KRTAP26-1: variants seen among roughly 807,000 people sequenced by gnomAD.
The protein encoded by KRTAP26-1 is keratin-associated protein 26-1.
For missense variants in KRTAP26-1, 273 were observed against 260.9 expected (o/e 1.05, Z -0.32); for synonymous variants, 111 against 103.3 (o/e 1.07, Z -0.45).
In KRTAP26-1 at chr21:30,319,296, T is replaced by G. The variant is rs1272958204; in HGVS notation, c.*107A>C. On this transcript the variant is annotated 3_prime_UTR_variant, in exon 1 of 1. Coordinates refer to ENST00000360542, the MANE Select transcript of KRTAP26-1 (RefSeq NM_203405.2). ...TGCATTAGATCAGGCACAGTAAAAC[T>G]AAGAAACATCAGTTGCTACTAGCAA... The G allele has an allele frequency of 1.5e-5, 17 of 1,158,066 alleles. No homozygotes were observed. The highest frequency in any genetic ancestry group is 2.1e-5 in the Non-Finnish European group (17 of 824,288). The allele number at this position is 1,158,066 out of a possible 1,614,324, so 71.7% of individuals were successfully genotyped here. A position where few individuals can be genotyped will look rare whatever the true frequency, so the allele number is the denominator to read the frequency against.
chr21:30,320,093 T>C lies in KRTAP26-1; in HGVS notation c.-58A>G, dbSNP rs1220004838. 5.0e-6 allele frequency: 7 copies of C among 1,405,254 alleles called. No homozygotes were observed. Among genetic ancestry groups the C allele is most frequent in the Non-Finnish European group, 5.7e-6 (6 of 1,046,714 alleles). The allele number at this position is 1,405,254 out of a possible 1,614,324, so 87.0% of individuals were successfully genotyped here. A position where few individuals can be genotyped will look rare whatever the true frequency, so the allele number is the denominator to read the frequency against. On this transcript the variant is annotated 5_prime_UTR_variant, in exon 1 of 1. Transcript: ENST00000360542. ...CAAAGAAGTGAGTGTCTGAAGTTTG[T>C]TCTGCCCTTCCTTAGCTTGACCCTT...
Position 30,319,431 on chromosome 21 carries a change from G to A in KRTAP26-1, c.605C>T (p.Thr202Met), listed in dbSNP as rs762193542. The change falls in exon 1 of 1, where the codon ACG becomes ATG. Residue 202 changes from threonine (T) to methionine (M), a missense_variant. Thr to Met is a moderately conservative substitution (Grantham distance 81). Transcript: ENST00000360542. ...GCQPLTHVFS[T>M]CRPSCSGL The stretch of plus-strand genomic sequence containing the variant: ...CAGTCCAGAGCAAGATGGACGACAC[G>A]TGCTGAACACATGGGTCAGAGGTTG... 13 of 1,611,534 alleles carry A rather than the reference G, an allele frequency of 8.1e-6. No homozygotes were observed. Among genetic ancestry groups the A allele is most frequent in the Admixed American group, 3.3e-5 (2 of 59,820 alleles).
At position 30,320,039 on chromosome 21, in the gene KRTAP26-1, G is replaced by T; in HGVS notation, c.-4C>A. 6.4e-7 allele frequency: 1 copy of T among 1,569,646 alleles called. No individual in the cohort carries two copies. The highest frequency in any genetic ancestry group is 8.7e-7 in the Non-Finnish European group (1 of 1,155,782). On this transcript the variant is annotated 5_prime_UTR_variant, in exon 1 of 1. Transcript: ENST00000360542. ...AGCAGTAGTTGGGGCAAGACATAGTGAGGTTGTGAGAGCAGGCTGAAGTTG... is the reference window on the plus strand; with the variant it reads ...AGCAGTAGTTGGGGCAAGACATAGTTAGGTTGTGAGAGCAGGCTGAAGTTG...
In KRTAP26-1 at chr21:30,319,754, T is replaced by A; in HGVS notation, c.282A>T (p.Gly94=). ...TAYYVPRPCQ[G]SSFLPASFFS... The stretch of plus-strand genomic sequence containing the variant: ...AGAAAGAAGCAGGAAGAAAACTGCT[T>A]CCTTGGCAAGGCCTGGGCACGTAGT... Residue 94 remains glycine (G), a synonymous_variant, in exon 1 of 1, where the codon GGA becomes GGT. Transcript: ENST00000360542. The A allele has an allele frequency of 1.2e-6, 2 of 1,614,002 alleles. No individual in the cohort carries two copies. The highest frequency in any genetic ancestry group is 1.7e-6 in the Non-Finnish European group (2 of 1,179,966).
rs1981657532 is a variant in KRTAP26-1, at chr21:30,320,160, C to T, written c.-125G>A. 1 of 730,092 alleles carries T rather than the reference C, an allele frequency of 1.4e-6. No homozygotes were observed. The highest frequency in any genetic ancestry group is 3.0e-5 in the Admixed American group (1 of 33,428). 45.2% of individuals were successfully genotyped at this position (730,092 alleles called of 1,614,324 possible). ...GTGGTGCTTCTGCGTGCAGACTCTT[C>T]CTCTTGTTGTATGAAGATGCATCAG... is the stretch of plus-strand genomic sequence containing the variant. On this transcript the variant is annotated 5_prime_UTR_variant, in exon 1 of 1. Transcript: ENST00000360542.
chr21:30,319,647 T>A lies in KRTAP26-1; in HGVS notation c.389A>T (p.Asn130Ile), dbSNP rs746600925. The stretch of plus-strand genomic sequence containing the variant: ...ACAGTCTCCTATGGGCTGGTAACTA[T>A]TGAGCAGCGGCCTCAGTGGACGACA... ...SGCRPLRPLL[N>I]SYQPIGDCVP... Residue 130 changes from asparagine to isoleucine, a missense_variant, in exon 1 of 1, where the codon AAT (asparagine) becomes ATT (isoleucine). Asn to Ile is a moderately radical substitution (Grantham distance 149, BLOSUM62 -3). Transcript: ENST00000360542. 6.2e-7 allele frequency: 1 copy of A among 1,613,872 alleles called. No individual in the cohort carries two copies.
At position 30,319,330 on chromosome 21, in the gene KRTAP26-1, A is replaced by C. The variant is rs150667938; in HGVS notation, c.*73T>G. 824 of 1,445,844 alleles carry C rather than the reference A, an allele frequency of 5.7e-4. 2 individuals are homozygous for C. The African/African-American group carries it at 8.5e-3, about 15-fold the overall frequency. The allele number at this position is 1,445,844 out of a possible 1,614,324, so 89.6% of individuals were successfully genotyped here. Reference sequence around the variant, plus strand: ...TCAGTTGCTACTAGCAAAGAAGCAAAAGTCCATGGAGTTTGAATTTTTGTT... The same window carrying C: ...TCAGTTGCTACTAGCAAAGAAGCAACAGTCCATGGAGTTTGAATTTTTGTT... On this transcript the variant is annotated 3_prime_UTR_variant, in exon 1 of 1. Transcript: ENST00000360542.
In KRTAP26-1 at chr21:30,319,892, G is replaced by A. The variant is rs1052845425; in HGVS notation, c.144C>T (p.Asp48=). Residue 48 remains aspartate (D), a synonymous_variant, in exon 1 of 1, where the codon GAC becomes GAT. Coordinates refer to ENST00000360542, the MANE Select transcript of KRTAP26-1 (RefSeq NM_203405.2). The stretch of plus-strand genomic sequence containing the variant: ...GGCAGTTGTCTGTGACCCAGGTATG[G>A]TCTTGAGAGCTAGTGGGTAAGTAGA... ...DVLYLPTSSQ[D]HTWVTDNCQE... 6.2e-7 allele frequency: 1 copy of A among 1,614,166 alleles called. No individual in the cohort carries two copies. Among genetic ancestry groups the A allele is most frequent in the Non-Finnish European group, 8.5e-7 (1 of 1,180,018 alleles).
Position 30,320,237 on chromosome 21 carries a change from A to G in KRTAP26-1, c.-202T>C, listed in dbSNP as rs1256917839. ...AGGCTTCCACCCTCCATAAAACTGGATGCTCCTTGCAATGCCATCCATTGA... is the reference window on the plus strand; with the variant it reads ...AGGCTTCCACCCTCCATAAAACTGGGTGCTCCTTGCAATGCCATCCATTGA... On this transcript the variant is annotated 5_prime_UTR_variant, in exon 1 of 1. Transcript: ENST00000360542. 2.0e-6 allele frequency: 1 copy of G among 498,012 alleles called. No homozygotes were observed. The highest frequency in any genetic ancestry group is 3.7e-6 in the Non-Finnish European group (1 of 273,372). The allele number at this position is 498,012 out of a possible 1,614,324, so 30.8% of individuals were successfully genotyped here.
In KRTAP26-1 at chr21:30,319,290, T is replaced by C; in HGVS notation, c.*113A>G. The stretch of plus-strand genomic sequence containing the variant: ...GCAGCTTGCATTAGATCAGGCACAG[T>C]AAAACTAAGAAACATCAGTTGCTAC... On this transcript the variant is annotated 3_prime_UTR_variant, in exon 1 of 1. Coordinates refer to ENST00000360542, the MANE Select transcript of KRTAP26-1 (RefSeq NM_203405.2). 1 of 1,106,456 alleles carries C rather than the reference T, an allele frequency of 9.0e-7. No homozygotes were observed. Among genetic ancestry groups the C allele is most frequent in the Non-Finnish European group, 1.3e-6 (1 of 779,494 alleles). The allele number at this position is 1,106,456 out of a possible 1,614,324, so 68.5% of individuals were successfully genotyped here. A position where few individuals can be genotyped will look rare whatever the true frequency, so the allele number is the denominator to read the frequency against.
In KRTAP26-1 at chr21:30,319,861, T is replaced by C. The variant is rs766872642; in HGVS notation, c.175A>G (p.Thr59Ala). ...HTWVTDNCQETCGEPTSCQPV... is the reference protein window; with the variant it reads ...HTWVTDNCQEACGEPTSCQPV... ...TGGCAGCTGGTTGGTTCACCGCAGG[T>C]CTCTTGGCAGTTGTCTGTGACCCAG... The change falls in exon 1 of 1, where the codon ACC (threonine) becomes GCC (alanine). Residue 59 changes from threonine (T) to alanine (A), a missense_variant. Physicochemically the swap from Thr to Ala is moderately conservative, Grantham distance 58. Transcript: ENST00000360542. 2.7e-5 allele frequency: 43 copies of C among 1,613,978 alleles called. No individual in the cohort carries two copies. In the Admixed American group the frequency reaches 6.2e-4, roughly 23 times the overall value.
chr21:30,320,249 A>G lies in KRTAP26-1; in HGVS notation c.-214T>C. ...TCCATAAAACTGGATGCTCCTTGCA[A>G]TGCCATCCATTGATTACGTCTATCT... On this transcript the variant is annotated 5_prime_UTR_variant, in exon 1 of 1. Coordinates refer to ENST00000360542, the MANE Select transcript of KRTAP26-1 (RefSeq NM_203405.2). 1 of 478,392 alleles carries G rather than the reference A, an allele frequency of 2.1e-6. No individual in the cohort carries two copies. Among genetic ancestry groups the G allele is most frequent in the Non-Finnish European group, 3.8e-6 (1 of 261,076 alleles). 29.6% of individuals were successfully genotyped at this position (478,392 alleles called of 1,614,324 possible).
chr21:30,319,491 C>T lies in KRTAP26-1; in HGVS notation c.545G>A (p.Ser182Asn). 1 of 1,613,960 alleles carries T rather than the reference C, an allele frequency of 6.2e-7. No homozygotes were observed. The highest frequency in any genetic ancestry group is 8.5e-7 in the Non-Finnish European group (1 of 1,179,966). Reference sequence around the variant, plus strand: ...GAACAGAGGCCCCAGAGGTCTGAGGCTGCTGGACACAACGTGAAGACTTTG... The same window carrying T: ...GAACAGAGGCCCCAGAGGTCTGAGGTTGCTGGACACAACGTGAAGACTTTG... ...RPQSLHVVSS[S>N]LRPLGPLFSG... The change falls in exon 1 of 1, where the codon AGC becomes AAC. Residue 182 changes from serine (S) to asparagine (N), a missense_variant. Physicochemically the swap from Ser to Asn is conservative, Grantham distance 46. Transcript: ENST00000360542.
chr21:30,319,257 C>G lies in KRTAP26-1; in HGVS notation c.*146G>C. The G allele has an allele frequency of 5.5e-6, 4 of 727,942 alleles. No individual in the cohort carries two copies. Among genetic ancestry groups the G allele is most frequent in the Non-Finnish European group, 8.5e-6 (4 of 469,324 alleles). The allele number at this position is 727,942 out of a possible 1,614,324, so 45.1% of individuals were successfully genotyped here. On this transcript the variant is annotated 3_prime_UTR_variant, in exon 1 of 1. Coordinates refer to ENST00000360542, the MANE Select transcript of KRTAP26-1 (RefSeq NM_203405.2). ...AAAGATGAAAACAAGATAAAACATG[C>G]GAGAGAAGCAGCTTGCATTAGATCA... is the stretch of plus-strand genomic sequence containing the variant.
At position 30,319,826 on chromosome 21, in the gene KRTAP26-1, G is replaced by A. The variant is rs1306667922; in HGVS notation, c.210C>T (p.His70=). The A allele has an allele frequency of 6.2e-7, 1 of 1,613,756 alleles. No homozygotes were observed. Among genetic ancestry groups the A allele is most frequent in the Non-Finnish European group, 8.5e-7 (1 of 1,179,858 alleles). The change falls in exon 1 of 1, where the codon CAC becomes CAT. Residue 70 remains histidine, a synonymous_variant. Transcript: ENST00000360542. ...CGEPTSCQPV[H]CETGNLETSC... is the part of the protein sequence containing the mutation. ...AGGTTTCAAGATTGCCGGTCTCACAGTGGACCGGCTGGCAGCTGGTTGGTT... is the reference window on the plus strand; with the variant it reads ...AGGTTTCAAGATTGCCGGTCTCACAATGGACCGGCTGGCAGCTGGTTGGTT...
chr21:30,319,719 G>A lies in KRTAP26-1; in HGVS notation c.317C>T (p.Ser106Phe). 1 of 1,614,104 alleles carries A rather than the reference G, an allele frequency of 6.2e-7. No individual in the cohort carries two copies. Among genetic ancestry groups the A allele is most frequent in the Non-Finnish European group, 8.5e-7 (1 of 1,179,982 alleles). The change falls in exon 1 of 1, where the codon TCC (serine) becomes TTC (phenylalanine). Residue 106 changes from serine (S) to phenylalanine (F), a missense_variant. Coordinates refer to ENST00000360542, the MANE Select transcript of KRTAP26-1 (RefSeq NM_203405.2). ...TGGTCTACAGGATACTGGAAGGCAG[G>A]AACTGGAGAAGAAAGAAGCAGGAAG... is the stretch of plus-strand genomic sequence containing the variant. ...SFLPASFFSS[S>F]CLPVSCRPQR...
rs751093603 is a variant in KRTAP26-1 at position 30,319,717 on chromosome 21, A to G, written c.319T>C (p.Cys107Arg). 4 of 1,614,022 alleles carry G rather than the reference A, an allele frequency of 2.5e-6. No homozygotes were observed. In the African/African-American group the frequency reaches 5.3e-5, roughly 22 times the overall value. Reference protein sequence around the residue: ...FLPASFFSSSCLPVSCRPQRY... With the variant: ...FLPASFFSSSRLPVSCRPQRY... The stretch of plus-strand genomic sequence containing the variant: ...TGTGGTCTACAGGATACTGGAAGGC[A>G]GGAACTGGAGAAGAAAGAAGCAGGA... The change falls in exon 1 of 1, where the codon TGC becomes CGC. Residue 107 changes from cysteine to arginine, a missense_variant. Coordinates refer to ENST00000360542, the MANE Select transcript of KRTAP26-1 (RefSeq NM_203405.2).
Position 30,320,076 on chromosome 21 carries a change from TGA to T in KRTAP26-1, c.-43_-42del. 6.7e-7 allele frequency: 1 copy of T among 1,492,454 alleles called. No individual in the cohort carries two copies. The highest frequency in any genetic ancestry group is 2.4e-5 in the East Asian group (1 of 42,018). The allele number at this position is 1,492,454 out of a possible 1,614,324, so 92.5% of individuals were successfully genotyped here. A position where few individuals can be genotyped will look rare whatever the true frequency, so the allele number is the denominator to read the frequency against. On this transcript the variant is annotated 5_prime_UTR_variant, in exon 1 of 1. Coordinates refer to ENST00000360542, the MANE Select transcript of KRTAP26-1 (RefSeq NM_203405.2). The stretch of plus-strand genomic sequence containing the variant: ...GCAGGCTGAAGTTGAGGCAAAGAAG[TGA>T]GTGTCTGAAGTTTGTTCTGCCCTTC...
rs1981655546 is a variant in KRTAP26-1, at chr21:30,320,108, G to A, written c.-73C>T. 1.6e-6 allele frequency: 2 copies of A among 1,262,640 alleles called. No individual in the cohort carries two copies. The highest frequency in any genetic ancestry group is 3.0e-5 in the African/African-American group (2 of 65,642). The allele number at this position is 1,262,640 out of a possible 1,614,324, so 78.2% of individuals were successfully genotyped here. On this transcript the variant is annotated 5_prime_UTR_variant, in exon 1 of 1. Coordinates refer to ENST00000360542, the MANE Select transcript of KRTAP26-1 (RefSeq NM_203405.2). ...CTGAAGTTTGTTCTGCCCTTCCTTA[G>A]CTTGACCCTTTATTTATCCCTAGAA...
Sources: gnomAD v4.1 joint callset for allele counts on GRCh38, gnomAD v4.1.1 for gene constraint, MANE v1.5 for transcripts, NCBI Gene and HGNC (gene_info 2026-07-23, HGNC 2026-07-21) for gene names.